The following PRR33 variants were observed in gnomAD, a reference collection of about 807,000 sequenced individuals.
PRR33 encodes the protein proline rich 33, also known as proline-rich protein 33.
Under a neutral mutation model 0.5 loss-of-function variants are expected in PRR33, and 1 was observed. That is an observed-to-expected ratio of 2.18 (90% confidence interval 0.77 to 10.34). The LOEUF is 10.34. Among genes scored for constraint, PRR33 ranks in the 30% most tolerant of loss-of-function variants. PRR33 has a pLI of 0.13. For missense variants in PRR33, 552 were observed against 251.8 expected (o/e 2.19, Z -8.07); for synonymous variants, 226 against 110.0 (o/e 2.06, Z -6.60).
At chr11:1,902,643 C>T in the PRR33 span, 1 of 152,052 alleles carries the variant, frequency 6.6e-6, no homozygotes, top group Non-Finnish European at 1.5e-5. Flanking sequence ...TAGCTCACTG[C>T]AATTGTTACA....
At chr11:1,917,287 TG>T in the PRR33 span, among the ~76,000 whole-genome samples, 1 of 152,154 alleles carries the variant, frequency 6.6e-6, no homozygotes, top group African/African-American at 2.4e-5. Flanking sequence ...CACTGGGTGC[TG>T]GGACCTAGAT....
the PRR33 span, among the ~76,000 whole-genome samples, chr11:1,905,124 T>C: frequency 1.8e-5 from 1 of 55,076 alleles, no homozygotes; most frequent in Admixed American, 1.5e-4. Context: ...TGAGAATTCT[T>C]TTTTTTTTTT....
At chr11:1,913,947 T>C in the PRR33 span, among the ~76,000 whole-genome samples, 1 of 152,240 alleles carries the variant, frequency 6.6e-6, no homozygotes, top group African/African-American at 2.4e-5. Context: ...CCCCTGTCCA[T>C]GGGTGGTGAC....
At chr11:1,914,568 C>T in the PRR33 span, among the ~76,000 whole-genome samples, 6 of 135,412 alleles carry the variant, frequency 4.4e-5, no homozygotes, top group Non-Finnish European at 6.2e-5. Flanking sequence ...GTATATACAC[C>T]TGGGGATGTT....
chr11:1,890,203 G>T (rs968401991), exon 1 of PRR33: 1 of 717,004 alleles, frequency 1.4e-6, no homozygotes, highest in African/African-American at 1.7e-5. Flanking sequence ...GTGGACTTCT[G>T]CAGGGGTGAT....
chr11:1,900,661 T>C, the PRR33 span, among the ~76,000 whole-genome samples: 18 of 152,228 alleles, frequency 1.2e-4, no homozygotes, highest in African/African-American at 4.3e-4. Flanking sequence ...GAATTTTGAT[T>C]ACTTCTGTGG....
At chr11:1,909,428 C>T in the PRR33 span, among the ~76,000 whole-genome samples, 580 of 151,766 alleles carry the variant, frequency 3.8e-3, 5 homozygotes, top group African/African-American at 0.013. Context: ...CTAGCCAACA[C>T]GGTGAAACCC....
chr11:1,907,364 C>T, the PRR33 span, among the ~76,000 whole-genome samples: 4 of 152,200 alleles, frequency 2.6e-5, no homozygotes, highest in Admixed American at 2.0e-4. Flanking sequence ...AAGCTGGAAA[C>T]ATTGTTCCCC....
chr11:1,910,077 C>T, the PRR33 span, among the ~76,000 whole-genome samples: 1 of 152,232 alleles, frequency 6.6e-6, no homozygotes, highest in Admixed American at 6.5e-5. Flanking sequence ...CAGCTGTAAT[C>T]GTGCAGAACC....
the PRR33 span, among the ~76,000 whole-genome samples, chr11:1,904,833 A>T: frequency 2.0e-5 from 3 of 151,478 alleles, no homozygotes; most frequent in African/African-American, 7.3e-5. Flanking sequence ...ATCTCTGCAG[A>T]ACCTGTACTC....
chr11:1,889,635 G>T (rs1848905036), exon 1 of PRR33: 1 of 616,198 alleles, frequency 1.6e-6, no homozygotes, highest in Non-Finnish European at 3.0e-6. Context: ...TGGGGTAGGG[G>T]ATGAGGCCCA....
At chr11:1,888,400 C>T (rs539940607) in exon 1 of PRR33, among the ~76,000 whole-genome samples, 44 of 152,226 alleles carry the variant, frequency 2.9e-4, no homozygotes, top group Non-Finnish European at 5.1e-4. Context: ...CTGTCAAAGC[C>T]TGGGCATGGC....
At chr11:1,906,619 G>A in the PRR33 span, among the ~76,000 whole-genome samples, 1 of 152,136 alleles carries the variant, frequency 6.6e-6, no homozygotes, top group African/African-American at 2.4e-5. Context: ...CGTTTGTAAG[G>A]GAGGTCTGGA....
exon 1 of PRR33, chr11:1,889,518 G>T: frequency 3.2e-6 from 2 of 617,958 alleles, no homozygotes. Flanking sequence ...CTCTGGGCAC[G>T]GAGGCTCTGG....
chr11:1,900,906 T>G, the PRR33 span, among the ~76,000 whole-genome samples: 1 of 152,248 alleles, frequency 6.6e-6, no homozygotes, highest in East Asian at 1.9e-4. Context: ...CTCTCTCCAC[T>G]GGGAAAGGCT....
chr11:1,905,890 C>T, the PRR33 span, among the ~76,000 whole-genome samples: 1 of 152,076 alleles, frequency 6.6e-6, no homozygotes, highest in Admixed American at 6.5e-5. Flanking sequence ...GCAATCACAG[C>T]TCATGGCAGC....
At chr11:1,889,196 G>T (rs905189546) in exon 1 of PRR33, 4 of 674,342 alleles carry the variant, frequency 5.9e-6, no homozygotes, top group African/African-American at 5.4e-5. Flanking sequence ...TGGGCTGGGG[G>T]CTCAGCTCCA....
chr11:1,907,394 G>A, the PRR33 span, among the ~76,000 whole-genome samples: 2 of 152,160 alleles, frequency 1.3e-5, no homozygotes, highest in African/African-American at 4.8e-5. Context: ...GCAGATAAGT[G>A]TGCAGCACAC....
the PRR33 span, among the ~76,000 whole-genome samples, chr11:1,908,554 G>A: frequency 1.3e-5 from 2 of 152,020 alleles, no homozygotes; most frequent in Non-Finnish European, 2.9e-5. Flanking sequence ...TCTTGTTTGG[G>A]TTTTTTTAGA....
Sources: gnomAD v4.1 joint callset for allele counts (sites outside exome capture counted in the v4.1 genomes callset) on GRCh38, gnomAD v4.1.1 for gene constraint, MANE v1.5 for transcripts, NCBI Gene and HGNC (gene_info 2026-07-23, HGNC 2026-07-21) for gene names.